AK7: variants seen among roughly 807,000 people sequenced by gnomAD.
AK7 encodes adenylate kinase 7, also known as ATP-AMP transphosphorylase 7.
AK7 carries 78 observed loss-of-function variants against 96.6 expected under a neutral mutation model. That is an observed-to-expected ratio of 0.81 (90% CI 0.67 to 0.97). AK7 has a LOEUF of 0.97. AK7 is among the 50% of genes least tolerant of loss of function. AK7 has a pLI of 0.00. For missense variants in AK7, 855 were observed against 887.9 expected (o/e 0.96, Z 0.47); for synonymous variants, 302 against 317.2 (o/e 0.95, Z 0.51).
intron 1 of AK7, 82 bp from the exon 2 acceptor site, chr14:96,397,993 G>T: frequency 1.4e-6 from 2 of 1,428,080 alleles, no homozygotes; most frequent in Non-Finnish European, 1.9e-6. Flanking sequence ...ACTCGGGAAA[G>T]GTAAGTTTCT....
At chr14:96,487,314 G>T (rs1293525986) in intron 17 of AK7, among the ~76,000 whole-genome samples, 5 of 141,218 alleles carry the variant, frequency 3.5e-5, no homozygotes, top group Non-Finnish European at 7.7e-5. Context: ...AACCCTGGAG[G>T]TGGAGGTTGC....
intron 17 of AK7, 63 bp downstream of exon 17, chr14:96,487,119 A>G: frequency 6.4e-7 from 1 of 1,567,712 alleles, no homozygotes; most frequent in Non-Finnish European, 8.7e-7. Context: ...TTACACCTGT[A>G]ATCCCAGCAC....
chr14:96,430,985 C>T lies in AK7; in HGVS notation c.610-6850C>T, dbSNP rs200570175. Among the ~76,000 whole-genome samples the T allele has an allele frequency of 1.8e-4, 27 of 152,122 alleles. No individual in the cohort carries two copies. In the East Asian group the frequency reaches 4.8e-3, roughly 27 times the overall value. ...TGGTCTATTCAGGGATTCAACATCT[C>T]CCTGGTTTAGTCTTGGGAGGGTGTA... On this transcript the variant is annotated intron_variant, in intron 5 of 17. Coordinates refer to ENST00000267584, the MANE Select transcript of AK7 (RefSeq NM_152327.5).
At chr14:96,439,939 G>T (rs1892873003) in intron 6 of AK7, among the ~76,000 whole-genome samples, 1 of 152,066 alleles carries the variant, frequency 6.6e-6, no homozygotes, top group South Asian at 2.1e-4. Flanking sequence ...AGAGAGGTTG[G>T]TTGAACTGAT....
At chr14:96,394,253 G>A (rs1028255789) in intron 1 of AK7, among the ~76,000 whole-genome samples, 1 of 152,198 alleles carries the variant, frequency 6.6e-6, no homozygotes, top group African/African-American at 2.4e-5. Flanking sequence ...AGTGCTAGGG[G>A]GCAGTGCACC....
At position 96,489,367 on chromosome 14, in the gene AK7, G is replaced by A. The variant is rs961696456; in HGVS notation, c.*1024G>A. ...CCTCCCCCCAGTTCCAGGCAACCAC[G>A]AATCTGCTTTCTGTCTCTATGGATT... On this transcript the variant is annotated 3_prime_UTR_variant, in exon 18 of 18. Coordinates refer to ENST00000267584, the MANE Select transcript of AK7 (RefSeq NM_152327.5). 1.3e-5 allele frequency: 2 copies of A among 152,138 alleles called. No homozygotes were observed. Among genetic ancestry groups the A allele is most frequent in the Admixed American group, 6.6e-5 (1 of 15,262 alleles). The allele number at this position is 152,138 out of a possible 1,614,324, so 9.4% of individuals were successfully genotyped here. A position where few individuals can be genotyped will look rare whatever the true frequency, so the allele number is the denominator to read the frequency against.
intron 16 of AK7, among the ~76,000 whole-genome samples, chr14:96,484,171 G>T (rs988189988): frequency 3.9e-5 from 6 of 152,110 alleles, no homozygotes; most frequent in African/African-American, 9.7e-5. Flanking sequence ...GATCCTGGGA[G>T]ACTGAGGCTG....
intron 8 of AK7, among the ~76,000 whole-genome samples, chr14:96,448,630 TAAAAAAAAAAAAAAAAAA>T (rs71103528): frequency 5.3e-4 from 40 of 74,900 alleles, no homozygotes; most frequent in East Asian, 1.4e-3. Context: ...ACCCTATCTC[TAAAAAAAAAAAAAAAAAA>T]AAAAAAAAAA....
intron 1 of AK7, 134 bp downstream of exon 1, chr14:96,392,393 C>A: frequency 1.4e-6 from 1 of 698,762 alleles, no homozygotes; most frequent in Non-Finnish European, 2.4e-6. Flanking sequence ...GTCCCGCGTC[C>A]TGGGCACCAC....
intron 5 of AK7, among the ~76,000 whole-genome samples, chr14:96,434,448 C>CTG (rs1391916104): frequency 4.8e-5 from 7 of 145,538 alleles, no homozygotes; most frequent in African/African-American, 2.0e-4. Context: ...CTCTCTCTCT[C>CTG]TCTCTCTCTG....
Position 96,488,452 on chromosome 14 carries a change from T to G in AK7, c.*109T>G. On this transcript the variant is annotated 3_prime_UTR_variant, in exon 18 of 18. Transcript: ENST00000267584. ...TTCCAGTTCTTAGAAAATTCTTTTT[T>G]TGTAGACAAATATTCTATAAACTAG... The G allele has an allele frequency of 1.1e-6, 1 of 946,044 alleles. No individual in the cohort carries two copies. Among genetic ancestry groups the G allele is most frequent in the South Asian group, 1.8e-5 (1 of 56,298 alleles). The allele number at this position is 946,044 out of a possible 1,614,324, so 58.6% of individuals were successfully genotyped here.
intron 12 of AK7, among the ~76,000 whole-genome samples, chr14:96,461,735 C>T (rs986721190): frequency 6.6e-6 from 1 of 152,120 alleles, no homozygotes; most frequent in African/African-American, 2.4e-5. Context: ...CAGGCACACA[C>T]CACCATGGCC....
chr14:96,475,673 C>G (rs940147990), intron 14 of AK7, among the ~76,000 whole-genome samples: 2 of 152,142 alleles, frequency 1.3e-5, no homozygotes, highest in Admixed American at 6.5e-5. Context: ...TAAGGCCCCC[C>G]TGAAGATGTC....
chr14:96,407,803 G>C (rs1404450398), intron 3 of AK7, among the ~76,000 whole-genome samples: 1 of 151,708 alleles, frequency 6.6e-6, no homozygotes, highest in Non-Finnish European at 1.5e-5. Flanking sequence ...GGATGGTCTT[G>C]ATCTCCTGAC....
intron 8 of AK7, among the ~76,000 whole-genome samples, chr14:96,447,115 T>G (rs895437039): frequency 1.3e-5 from 2 of 152,144 alleles, no homozygotes; most frequent in African/African-American, 4.8e-5. Flanking sequence ...CTCTTTTATA[T>G]GTACAGAGGG....
chr14:96,412,741 A>G (rs1283624317), intron 4 of AK7, among the ~76,000 whole-genome samples: 1 of 150,428 alleles, frequency 6.6e-6, no homozygotes, highest in African/African-American at 2.5e-5. Context: ...AATTTTTTGT[A>G]TTTTAAGTAG....
chr14:96,445,744 T>C (rs1893198164), intron 7 of AK7, among the ~76,000 whole-genome samples: 1 of 152,194 alleles, frequency 6.6e-6, no homozygotes, highest in South Asian at 2.1e-4. Context: ...TTTGGAAGCG[T>C]GCATTCGATT....
intron 6 of AK7, among the ~76,000 whole-genome samples, chr14:96,439,740 G>A (rs1284402430): frequency 6.6e-6 from 1 of 151,530 alleles, no homozygotes; most frequent in Non-Finnish European, 1.5e-5. Flanking sequence ...CAACTAAGAT[G>A]AAACCTACAA....
Position 96,399,661 on chromosome 14 carries a change from G to A in AK7, c.294+1398G>A, listed in dbSNP as rs533398022. Among the ~76,000 whole-genome samples the A allele has an allele frequency of 3.4e-4, 52 of 152,258 alleles. No homozygotes were observed. Among genetic ancestry groups the A allele is most frequent in the African/African-American group, 1.2e-3 (48 of 41,548 alleles). On this transcript the variant is annotated intron_variant, in intron 2 of 17. Transcript: ENST00000267584. This position sits in a 1 kb window ranked among gnomAD's most constrained non-coding sequence, Gnocchi z 4.1. Reference sequence around the variant, plus strand: ...ACCAGCAGTCCCCTGACTCCCGAGGGGCTTAGCTCACCTGGCTTCACAGCA... The same window carrying A: ...ACCAGCAGTCCCCTGACTCCCGAGGAGCTTAGCTCACCTGGCTTCACAGCA...
Sources: allele counts gnomAD v4.1 joint callset (sites outside exome capture counted in the v4.1 genomes callset), GRCh38; gene constraint gnomAD v4.1.1; non-coding constraint Gnocchi (gnomAD v3.1); transcripts MANE v1.5; gene names NCBI Gene and HGNC (gene_info 2026-07-23, HGNC 2026-07-21).